The following ASAP1 variants were observed in gnomAD, a reference collection of about 807,000 sequenced individuals.
ASAP1 encodes ArfGAP with SH3 domain, ankyrin repeat and PH domain 1.
A neutral mutation model predicts 145.2 loss-of-function variants in ASAP1; 43 were observed. That is an observed-to-expected ratio of 0.30 (90% CI 0.23 to 0.38). The LOEUF (loss-of-function observed/expected upper bound fraction) is 0.38, where lower values mean the gene tolerates loss of function less well. ASAP1 is among the 10% of genes least tolerant of loss of function. The pLI, the probability that ASAP1 is intolerant of heterozygous loss-of-function variation, is 1.00. For missense variants in ASAP1, 1,018 were observed against 1,355.3 expected, an observed-to-expected ratio of 0.75 and a Z score of 3.91; for synonymous variants, 546 against 515.5, an observed-to-expected ratio of 1.06 and a Z score of -0.80.
At chr8:130,431,392 C>A (rs1221515029) in intron 1 of ASAP1, among the ~76,000 whole-genome samples, 1 of 152,212 alleles carries the variant, frequency 6.6e-6, no homozygotes, top group East Asian at 1.9e-4. Flanking sequence ...GCCTCCTGCT[C>A]TGACCTCAAC....
At chr8:130,242,280 AAAAC>A (rs1446241408) in intron 3 of ASAP1, among the ~76,000 whole-genome samples, 8 of 150,786 alleles carry the variant, frequency 5.3e-5, no homozygotes, top group Non-Finnish European at 8.9e-5. Context: ...AAAAAAAAAA[AAAAC>A]AACTTTTTTT....
chr8:130,271,460 A>G (rs1485298549), intron 3 of ASAP1, among the ~76,000 whole-genome samples: 1 of 152,210 alleles, frequency 6.6e-6, no homozygotes, highest in African/African-American at 2.4e-5. Flanking sequence ...AAGATTATTT[A>G]CCACCCTCAA....
chr8:130,371,126 C>T (rs761696081), intron 2 of ASAP1, among the ~76,000 whole-genome samples: 4 of 152,148 alleles, frequency 2.6e-5, no homozygotes, highest in East Asian at 1.9e-4. Flanking sequence ...ACTAGAATGA[C>T]GATGATTTAG....
intron 3 of ASAP1, among the ~76,000 whole-genome samples, chr8:130,293,744 A>G (rs1306150945): frequency 6.6e-6 from 1 of 152,184 alleles, no homozygotes; most frequent in Admixed American, 6.5e-5. Context: ...TGAGGCTACA[A>G]ATGTTTCTTG....
chr8:130,091,539 G>C (rs533451712), intron 25 of ASAP1, among the ~76,000 whole-genome samples: 2 of 152,212 alleles, frequency 1.3e-5, no homozygotes, highest in African/African-American at 4.8e-5. Context: ...GATATAGGGA[G>C]CTTGCATTTA....
rs186779285 is a variant in ASAP1 at position 130,148,038 on chromosome 8, C to T, written c.1080+4698G>A. ...CAAATATAAATTCTTAGAACACTTG[C>T]ATTATCTTCATGACAAGTACTCCTC... On this transcript the variant is annotated intron_variant, in intron 13 of 29. Coordinates refer to ENST00000518721, the MANE Select transcript of ASAP1 (RefSeq NM_018482.4). Among the ~76,000 whole-genome samples, 19 of 152,322 alleles carry T rather than the reference C, an allele frequency of 1.2e-4. No individual in the cohort carries two copies. In the East Asian group the frequency reaches 3.5e-3, roughly 28 times the overall value.
intron 1 of ASAP1, among the ~76,000 whole-genome samples, chr8:130,439,756 GCAGA>G: frequency 6.6e-6 from 1 of 152,316 alleles, no homozygotes; most frequent in South Asian, 2.1e-4. Flanking sequence ...AAGAACGTAA[GCAGA>G]CACTCAGGGA....
At chr8:130,072,822 T>TGCGC (rs1268452732) in intron 27 of ASAP1, among the ~76,000 whole-genome samples, 2 of 26,034 alleles carry the variant, frequency 7.7e-5, no homozygotes, top group Admixed American at 6.2e-4. Context: ...TGTGTGTGTG[T>TGCGC]GTGCGCGCGG....
At chr8:130,070,940 G>C (rs1224243685) in intron 27 of ASAP1, among the ~76,000 whole-genome samples, 1 of 18,414 alleles carries the variant, frequency 5.4e-5, no homozygotes, top group Non-Finnish European at 9.8e-5. Flanking sequence ...AGAGAGAGGG[G>C]GAGAGAGAGG....
At chr8:130,395,894 G>C (rs911625116) in intron 2 of ASAP1, among the ~76,000 whole-genome samples, 2 of 152,118 alleles carry the variant, frequency 1.3e-5, no homozygotes, top group Non-Finnish European at 2.9e-5. Flanking sequence ...TCGAACTCCT[G>C]ATCTTAGGTA....
chr8:130,294,898 G>C (rs998663894), intron 3 of ASAP1, among the ~76,000 whole-genome samples: 1 of 152,166 alleles, frequency 6.6e-6, no homozygotes, highest in Admixed American at 6.5e-5. Flanking sequence ...ATGTCTGGAA[G>C]TAAAAAAGAT....
At chr8:130,384,282 C>T (rs1267004213) in intron 2 of ASAP1, among the ~76,000 whole-genome samples, 2 of 152,108 alleles carry the variant, frequency 1.3e-5, no homozygotes, top group Non-Finnish European at 2.9e-5. Flanking sequence ...GAGAGACCTG[C>T]TAGAAGGGGT....
At chr8:130,261,002 G>C (rs1024426869) in intron 3 of ASAP1, among the ~76,000 whole-genome samples, 7 of 152,056 alleles carry the variant, frequency 4.6e-5, no homozygotes, top group African/African-American at 1.7e-4. Context: ...TTTACGCAGA[G>C]ATGCAGTCCA....
chr8:130,282,595 T>C (rs1227078515), intron 3 of ASAP1, among the ~76,000 whole-genome samples: 1 of 152,104 alleles, frequency 6.6e-6, no homozygotes, highest in Admixed American at 6.6e-5. Context: ...GAAAGGCCTT[T>C]CAGCTCTGGC....
At chr8:130,151,370 CAAAAAAAAAAAAAAAAAAAAAAAAAAA>C (rs58367856) in intron 13 of ASAP1, among the ~76,000 whole-genome samples, 22 of 62,852 alleles carry the variant, frequency 3.5e-4, no homozygotes, top group African/African-American at 6.6e-4. Context: ...GACTCAGTCT[CAAAAAAAAAAAAAAAAAAAAAAAAAAA>C]AAAAAAAAAA....
At chr8:130,242,034 A>G (rs1818557842) in intron 3 of ASAP1, among the ~76,000 whole-genome samples, 3 of 152,010 alleles carry the variant, frequency 2.0e-5, no homozygotes, top group Non-Finnish European at 1.5e-5. Context: ...CTTCCTAGAG[A>G]TATGCCAAGG....
chr8:130,176,267 A>G (rs1319666288), intron 9 of ASAP1, among the ~76,000 whole-genome samples: 5 of 152,232 alleles, frequency 3.3e-5, no homozygotes. Context: ...TGAGAAGAAT[A>G]AATCTTAAAA....
intron 28 of ASAP1, among the ~76,000 whole-genome samples, chr8:130,059,950 G>A (rs1042718704): frequency 5.3e-5 from 8 of 151,858 alleles, no homozygotes; most frequent in South Asian, 4.2e-4. Context: ...GTAGTGATAT[G>A]TACCTTGGTC....
At chr8:130,282,023 T>C (rs1399151316) in intron 3 of ASAP1, among the ~76,000 whole-genome samples, 1 of 148,534 alleles carries the variant, frequency 6.7e-6, no homozygotes, top group African/African-American at 2.5e-5. Context: ...GCCAAGATCA[T>C]GACCGATTAC....
Sources: gnomAD v4.1 joint callset for allele counts (sites outside exome capture counted in the v4.1 genomes callset) on GRCh38, gnomAD v4.1.1 for gene constraint, MANE v1.5 for transcripts, NCBI Gene and HGNC (gene_info 2026-07-23, HGNC 2026-07-21) for gene names.